LOC400499: variants seen among roughly 807,000 people sequenced by gnomAD.
the LOC400499 span, chr16:11,424,431 T>C: frequency 1.8e-4 from 72 of 398,778 alleles, 1 homozygote; most frequent in Non-Finnish European, 1.8e-5. Flanking sequence ...GATGGGAACA[T>C]GACGGGGGCC....
chr16:11,512,389 G>C, the LOC400499 span, among the ~76,000 whole-genome samples: 4 of 152,068 alleles, frequency 2.6e-5, no homozygotes, highest in Admixed American at 1.3e-4. Context: ...AGACACCTGA[G>C]GTCAGGAGTT....
the LOC400499 span, chr16:11,383,594 AGGCAGATGCCAGACGG>A: frequency 8.1e-7 from 1 of 1,231,970 alleles, no homozygotes; most frequent in Non-Finnish European, 1.0e-6. Context: ...CTGGCCTGGA[AGGCAGATGCCAGACGG>A]GGCAGAGTGC....
At chr16:11,440,594 G>C in the LOC400499 span, 4 of 397,486 alleles carry the variant, frequency 1.0e-5, no homozygotes, top group Admixed American at 4.4e-5. Flanking sequence ...GCCAAAATAA[G>C]GGCTGTGCTG....
chr16:11,425,061 C>A, the LOC400499 span: 3 of 398,488 alleles, frequency 7.5e-6, no homozygotes, highest in African/African-American at 2.1e-5. Context: ...TTTATCCCCC[C>A]TCCCTTGGCT....
the LOC400499 span, among the ~76,000 whole-genome samples, chr16:11,408,751 C>T: frequency 3.3e-5 from 5 of 152,136 alleles, no homozygotes; most frequent in Non-Finnish European, 4.4e-5. Context: ...GTGTGAACCA[C>T]TGCATCCAGT....
the LOC400499 span, among the ~76,000 whole-genome samples, chr16:11,495,827 C>T: frequency 3.9e-5 from 6 of 152,116 alleles, no homozygotes; most frequent in African/African-American, 1.5e-4. Context: ...GGGTAAGGGA[C>T]GTGCCTCAGG....
the LOC400499 span, among the ~76,000 whole-genome samples, chr16:11,464,338 G>A: frequency 2.1e-4 from 32 of 152,266 alleles, no homozygotes; most frequent in African/African-American, 7.2e-4. Context: ...ATCAGAGGCT[G>A]TGCAGTGCTC....
the LOC400499 span, among the ~76,000 whole-genome samples, chr16:11,416,284 C>T: frequency 2.8e-4 from 43 of 152,270 alleles, no homozygotes; most frequent in East Asian, 6.4e-3. Flanking sequence ...AACAGAAGGA[C>T]TCCCCTAGGG....
chr16:11,429,837 C>G, the LOC400499 span, among the ~76,000 whole-genome samples: 3 of 151,678 alleles, frequency 2.0e-5, no homozygotes, highest in East Asian at 5.8e-4. Context: ...ATCATCATAA[C>G]AGTAACAGAC....
At chr16:11,478,542 G>C in the LOC400499 span, 1 of 399,056 alleles carries the variant, frequency 2.5e-6, no homozygotes, top group Non-Finnish European at 4.4e-6. Flanking sequence ...TCATGAGCTT[G>C]ATGGCGAGCT....
At chr16:11,398,300 C>T in the LOC400499 span, 2 of 1,230,472 alleles carry the variant, frequency 1.6e-6, no homozygotes, top group Admixed American at 4.2e-5. Flanking sequence ...GCCCCCTCAC[C>T]ATGGGTCCCT....
chr16:11,460,459 C>T, the LOC400499 span: 7 of 1,513,678 alleles, frequency 4.6e-6, no homozygotes, highest in East Asian at 5.0e-5. Flanking sequence ...GGATGTCGCA[C>T]CTGGCCTGGG....
At chr16:11,518,317 G>A in the LOC400499 span, among the ~76,000 whole-genome samples, 141 of 152,300 alleles carry the variant, frequency 9.3e-4, no homozygotes, top group African/African-American at 3.2e-3. Context: ...TCAGGCTGGC[G>A]GCTGCTCTGA....
the LOC400499 span, chr16:11,446,710 C>T: frequency 6.5e-7 from 1 of 1,532,984 alleles, no homozygotes; most frequent in African/African-American, 1.4e-5. Flanking sequence ...TCCTCTGGCT[C>T]TCAGGCCCCT....
At chr16:11,498,769 G>A in the LOC400499 span, among the ~76,000 whole-genome samples, 1 of 151,664 alleles carries the variant, frequency 6.6e-6, no homozygotes, top group Admixed American at 6.6e-5. Context: ...GGCTCCACAA[G>A]CCGATCGATG....
At chr16:11,444,375 C>A in the LOC400499 span, among the ~76,000 whole-genome samples, 1 of 152,142 alleles carries the variant, frequency 6.6e-6, no homozygotes, top group African/African-American at 2.4e-5. Context: ...GCCCTCCAGC[C>A]TGGGTGACAG....
chr16:11,508,315 TG>T, the LOC400499 span, among the ~76,000 whole-genome samples: 1 of 152,342 alleles, frequency 6.6e-6, no homozygotes, highest in East Asian at 1.9e-4. Context: ...ATCCACCTCC[TG>T]ACTTGAAACA....
At chr16:11,398,643 ACC>A in the LOC400499 span, 1 of 587,154 alleles carries the variant, frequency 1.7e-6, no homozygotes, top group Non-Finnish European at 2.5e-6. Flanking sequence ...CAGCCACAGC[ACC>A]CCCTTACACT....
the LOC400499 span, among the ~76,000 whole-genome samples, chr16:11,507,403 C>T: frequency 6.6e-6 from 1 of 152,168 alleles, no homozygotes; most frequent in Non-Finnish European, 1.5e-5. Context: ...CCTCGGTGTC[C>T]ACAGCACCCA....
Sources: gnomAD v4.1 joint callset for allele counts (sites outside exome capture counted in the v4.1 genomes callset) on GRCh38, gnomAD v4.1.1 for gene constraint, MANE v1.5 for transcripts.